Variants in ESRP1 observed in about 807,000 individuals in gnomAD.
The protein encoded by ESRP1 is RNA-binding motif protein 35A.
ESRP1 carries 33 observed loss-of-function variants against 81.7 expected under a neutral mutation model. That is an observed-to-expected ratio of 0.40 (90% CI 0.31 to 0.54). ESRP1 has a LOEUF of 0.54. ESRP1 is among the 20% of genes least tolerant of loss of function. ESRP1 has a pLI of 0.41. For missense variants in ESRP1, 672 were observed against 833.1 expected, an observed-to-expected ratio of 0.81 and a Z score of 2.38; for synonymous variants, 320 against 303.3, an observed-to-expected ratio of 1.06 and a Z score of -0.57.
At chr8:94,688,865 G>A (rs1044196518) in intron 13 of ESRP1, among the ~76,000 whole-genome samples, 9 of 152,092 alleles carry the variant, frequency 5.9e-5, no homozygotes, top group African/African-American at 2.2e-4. Context: ...TTTAGGTTCA[G>A]TTTTGTCAAT....
At chr8:94,669,208 T>C (rs1423239585) in intron 10 of ESRP1, among the ~76,000 whole-genome samples, 1 of 152,230 alleles carries the variant, frequency 6.6e-6, no homozygotes, top group African/African-American at 2.4e-5. Context: ...CAGCTACCAA[T>C]TGAACATGTC....
At chr8:94,701,715 G>A (rs1032997835) in intron 15 of ESRP1, among the ~76,000 whole-genome samples, 1 of 151,972 alleles carries the variant, frequency 6.6e-6, no homozygotes, top group African/African-American at 2.4e-5. Flanking sequence ...CAAAGGGCTG[G>A]GATACCGGCA....
chr8:94,649,087 G>T (rs553388251), intron 4 of ESRP1, among the ~76,000 whole-genome samples: 27 of 152,268 alleles, frequency 1.8e-4, no homozygotes, highest in African/African-American at 6.3e-4. Flanking sequence ...CGGGCATGAT[G>T]ACGCACATCT....
At chr8:94,691,771 A>G (rs2130713542) in intron 13 of ESRP1, among the ~76,000 whole-genome samples, 1 of 152,334 alleles carries the variant, frequency 6.6e-6, no homozygotes, top group Non-Finnish European at 1.5e-5. Flanking sequence ...TTAATAATCC[A>G]AAGTTGCAAG....
intron 13 of ESRP1, among the ~76,000 whole-genome samples, chr8:94,681,298 C>G (rs1172914860): frequency 8.1e-6 from 1 of 123,196 alleles, no homozygotes; most frequent in Non-Finnish European, 1.6e-5. Flanking sequence ...TGCACTCCAG[C>G]CTGGGTGACA....
At position 94,641,291 on chromosome 8, in the gene ESRP1, C is replaced by G; in HGVS notation, c.-28C>G. 6.3e-7 allele frequency: 1 copy of G among 1,584,730 alleles called. No homozygotes were observed. On this transcript the variant is annotated 5_prime_UTR_variant, in exon 1 of 16. Coordinates refer to ENST00000433389, the MANE Select transcript of ESRP1 (RefSeq NM_017697.4). ...CACACCACCTTACCGCCTCCCGACC[C>G]CCCCTCTCCCCCTCCCCACCTATCG...
In ESRP1 at chr8:94,674,576, CTT is replaced by C. The variant is rs1473885974; in HGVS notation, c.1651+72_1651+73del. The C allele has an allele frequency of 1.1e-5, 15 of 1,406,692 alleles. No individual in the cohort carries two copies. The African/African-American group carries it at 1.9e-4, about 17-fold the overall frequency. 87.1% of individuals were successfully genotyped at this position (1,406,692 alleles called of 1,614,324 possible). A position where few individuals can be genotyped will look rare whatever the true frequency, so the allele number is the denominator to read the frequency against. ...GTAGGTGCTTAAGCTGCTTTCGTAACTTTCTGTGCCCCTGGTTCTTTCTGAGG... is the reference window on the plus strand; with the variant it reads ...GTAGGTGCTTAAGCTGCTTTCGTAACTCTGTGCCCCTGGTTCTTTCTGAGG... On this transcript the variant is annotated intron_variant, in intron 12 of 15. Transcript: ENST00000433389.
intron 4 of ESRP1, among the ~76,000 whole-genome samples, chr8:94,651,071 A>AT (rs1201533412): frequency 1.3e-5 from 2 of 151,988 alleles, no homozygotes; most frequent in African/African-American, 4.8e-5. Context: ...GAAGAGTGTC[A>AT]TTTTTTATAT....
chr8:94,662,520 A>G lies in ESRP1; in HGVS notation c.609A>G (p.Pro203=). The change falls in exon 6 of 16, where the codon CCA becomes CCG. Residue 203 remains proline (P), a synonymous_variant. Transcript: ENST00000433389. ...TTTTAGATCACAGGTTTTCAGATCC[A>G]GAGAGAGTGAATTACAAGTTTGAAA... ...SEPYNHRFSD[P]ERVNYKFESG... is the part of the protein sequence containing the mutation. The G allele has an allele frequency of 6.2e-7, 1 of 1,609,422 alleles. No individual in the cohort carries two copies. Among genetic ancestry groups the G allele is most frequent in the South Asian group, 1.1e-5 (1 of 90,006 alleles).
At chr8:94,685,289 A>G (rs1031919122) in intron 13 of ESRP1, among the ~76,000 whole-genome samples, 3 of 152,158 alleles carry the variant, frequency 2.0e-5, no homozygotes, top group African/African-American at 7.2e-5. Context: ...ATAATTTTAT[A>G]TGATTTATTA....
At chr8:94,641,531 A>C (rs1817588478) in intron 1 of ESRP1, 81 bp downstream of exon 1, 4 of 1,582,044 alleles carry the variant, frequency 2.5e-6, no homozygotes, top group Non-Finnish European at 3.5e-6. Flanking sequence ...AGGGGGGTGG[A>C]GGTAAGTAAA....
rs1376401924 is a variant in ESRP1, at chr8:94,641,417, G to A, written c.99G>A (p.Leu33=). 1.4e-5 allele frequency: 23 copies of A among 1,613,906 alleles called. No homozygotes were observed. Among genetic ancestry groups the A allele is most frequent in the Non-Finnish European group, 1.9e-5 (23 of 1,179,886 alleles). ...CGGATGAGAAGGAGTTGATCCTGCT[G>A]TTCTGGAAAGTCGTGGATCTGGCCA... ...LGSDEKELIL[L]FWKVVDLANK... The change falls in exon 1 of 16, where the codon CTG becomes CTA. Residue 33 remains leucine, a synonymous_variant. Transcript: ENST00000433389.
At chr8:94,646,314 T>A in intron 4 of ESRP1, 32 bp downstream of exon 4, 1 of 1,322,960 alleles carries the variant, frequency 7.6e-7, no homozygotes, top group Non-Finnish European at 1.0e-6. Context: ...AAGAATCATT[T>A]GAAAAGATAG....
At chr8:94,696,100 A>G (rs1209639210) in intron 14 of ESRP1, among the ~76,000 whole-genome samples, 3 of 152,322 alleles carry the variant, frequency 2.0e-5, no homozygotes, top group South Asian at 4.1e-4. Flanking sequence ...TGTGTCTTCC[A>G]TACTTCATCT....
At chr8:94,686,589 C>A (rs1809150456) in intron 13 of ESRP1, among the ~76,000 whole-genome samples, 1 of 152,200 alleles carries the variant, frequency 6.6e-6, no homozygotes, top group African/African-American at 2.4e-5. Context: ...AACTGTAGGA[C>A]CTTTGAATAC....
Position 94,705,925 on chromosome 8 carries a change from T to C in ESRP1, c.*36T>C. 3 of 1,511,438 alleles carry C rather than the reference T, an allele frequency of 2.0e-6. No homozygotes were observed. The highest frequency in any genetic ancestry group is 1.8e-6 in the Non-Finnish European group (2 of 1,131,584). 93.6% of individuals were successfully genotyped at this position (1,511,438 alleles called of 1,614,324 possible). A position where few individuals can be genotyped will look rare whatever the true frequency, so the allele number is the denominator to read the frequency against. On this transcript the variant is annotated splice_region_variant and 3_prime_UTR_variant, in exon 16 of 16. Coordinates refer to ENST00000433389, the MANE Select transcript of ESRP1 (RefSeq NM_017697.4). ...TCACTTTTTTTTTTTTTTTTTTCAG[T>C]GTTTGAAAGATGTATGGTGATCTTG...
chr8:94,662,297 A>G lies in ESRP1; in HGVS notation c.516A>G (p.Ser172=). Residue 172 remains serine (S), a synonymous_variant, in exon 5 of 16, where the codon TCA becomes TCG. Transcript: ENST00000433389. ...ATTTAAATTTTGAGAAGAGTAGTTC[A>G]GTCTCTCGATATGGAGCCTCTCAAG... ...TEYLNFEKSS[S]VSRYGASQVE... 1 of 1,579,250 alleles carries G rather than the reference A, an allele frequency of 6.3e-7. No individual in the cohort carries two copies. Among genetic ancestry groups the G allele is most frequent in the Non-Finnish European group, 8.6e-7 (1 of 1,160,884 alleles).
At chr8:94,682,921 TATATA>T (rs1563540865) in intron 13 of ESRP1, among the ~76,000 whole-genome samples, 4 of 34,174 alleles carry the variant, frequency 1.2e-4, no homozygotes, top group African/African-American at 6.2e-4. Flanking sequence ...TATATATATA[TATATA>T]TATATATTTT....
chr8:94,682,068 A>C (rs140219933), intron 13 of ESRP1, among the ~76,000 whole-genome samples: 5 of 152,184 alleles, frequency 3.3e-5, no homozygotes, highest in Non-Finnish European at 7.4e-5. Context: ...AGAGGGTTTC[A>C]GTTTTCCAGT....
Sources: allele counts gnomAD v4.1 joint callset (sites outside exome capture counted in the v4.1 genomes callset), GRCh38; gene constraint gnomAD v4.1.1; transcripts MANE v1.5; gene names NCBI Gene and HGNC (gene_info 2026-07-23, HGNC 2026-07-21).